The following RAB11FIP3 variants were observed in gnomAD, a reference collection of about 807,000 sequenced individuals.
RAB11FIP3 encodes the protein rab11 family-interacting protein 3.
RAB11FIP3 carries 17 observed loss-of-function variants against 77.8 expected under a neutral mutation model. The observed-to-expected ratio is 0.22, with a 90% CI of 0.15 to 0.33. The LOEUF (loss-of-function observed/expected upper bound fraction) is 0.33, where lower values mean the gene tolerates loss of function less well. Among genes scored for constraint, RAB11FIP3 ranks in the 10% least tolerant of loss-of-function variants. The pLI, the probability that RAB11FIP3 is intolerant of heterozygous loss-of-function variation, is 1.00. For missense variants in RAB11FIP3, 1,005 were observed against 1,011.2 expected, an observed-to-expected ratio of 0.99 and a Z score of 0.08; for synonymous variants, 437 against 448.2, an observed-to-expected ratio of 0.98 and a Z score of 0.31.
In RAB11FIP3 at chr16:461,633, G is replaced by C; in HGVS notation, c.808+136G>C. 1.6e-6 allele frequency: 1 copy of C among 641,582 alleles called. No individual in the cohort carries two copies. The highest frequency in any genetic ancestry group is 2.1e-5 in the South Asian group (1 of 48,372). 39.7% of individuals were successfully genotyped at this position (641,582 alleles called of 1,614,324 possible). On this transcript the variant is annotated intron_variant, in intron 2 of 13. Transcript: ENST00000262305. The surrounding 1 kb of genome is among the most constrained non-coding windows in gnomAD (Gnocchi z 4.5). The stretch of plus-strand genomic sequence containing the variant: ...CCTTGAAGCCCCCAACATACCCCAG[G>C]TTTCCAGGTGGTCTCTTTCCTTTCT...
intron 2 of RAB11FIP3, among the ~76,000 whole-genome samples, chr16:465,021 G>C (rs2055677813): frequency 6.6e-6 from 1 of 152,180 alleles, no homozygotes; most frequent in Non-Finnish European, 1.5e-5. Flanking sequence ...CATGTGATGG[G>C]TACGCCTGAG....
chr16:431,368 C>G (rs1275079781), intron 1 of RAB11FIP3, among the ~76,000 whole-genome samples: 1 of 151,492 alleles, frequency 6.6e-6, no homozygotes, highest in Non-Finnish European at 1.5e-5. Context: ...TATTTTACTA[C>G]ATTTCTTTTC....
At chr16:468,034 GGGAGGAGGTGCAGGGGCGTT>G (rs1399823890) in intron 2 of RAB11FIP3, among the ~76,000 whole-genome samples, 3 of 52,478 alleles carry the variant, frequency 5.7e-5, no homozygotes, top group African/African-American at 2.0e-4. Flanking sequence ...AGGGAAGTCA[GGGAGGAGGTGCAGGGGCGTT>G]GGAGGAGGTG....
At chr16:436,109 G>T (rs2055122454) in intron 1 of RAB11FIP3, among the ~76,000 whole-genome samples, 1 of 152,138 alleles carries the variant, frequency 6.6e-6, no homozygotes, top group Non-Finnish European at 1.5e-5. Flanking sequence ...AGGAGTTCGA[G>T]ACCAGCCTGG....
At chr16:488,609 C>G (rs559139497) in intron 4 of RAB11FIP3, among the ~76,000 whole-genome samples, 48 of 151,998 alleles carry the variant, frequency 3.2e-4, no homozygotes, top group Non-Finnish European at 4.4e-4. Context: ...AGGCCTCCCC[C>G]TGTTGCCCAG....
intron 1 of RAB11FIP3, among the ~76,000 whole-genome samples, chr16:433,028 C>CTTTTTTT (rs920883186): frequency 2.4e-5 from 1 of 40,886 alleles, no homozygotes; most frequent in African/African-American, 1.0e-4. Context: ...CCATATTTAT[C>CTTTTTTT]TTTTTTTTTT....
Position 519,842 on chromosome 16 carries a change from T to C in RAB11FIP3, c.1811T>C (p.Leu604Pro). Residue 604 changes from leucine (L) to proline (P), a missense_variant, in exon 11 of 14, where the codon CTG (leucine) becomes CCG (proline). Leu to Pro is a moderately conservative substitution (Grantham distance 98). Coordinates refer to ENST00000262305, the MANE Select transcript of RAB11FIP3 (RefSeq NM_014700.4). The stretch of plus-strand genomic sequence containing the variant: ...AACAAGAGGAGAATGGGGGACAGGC[T>C]GAGTCACGAGAGGCACCAGTTCCAG... Reference protein sequence around the residue: ...QENKRRMGDRLSHERHQFQRD... With the variant: ...QENKRRMGDRPSHERHQFQRD... The C allele has an allele frequency of 6.2e-7, 1 of 1,601,716 alleles. No homozygotes were observed. Among genetic ancestry groups the C allele is most frequent in the South Asian group, 1.1e-5 (1 of 89,078 alleles).
rs1248190231 is a variant in RAB11FIP3, at chr16:426,116, C to T, written c.110C>T (p.Ala37Val). ...GCGGCACAACTGGCTCCGGGCCCTG[C>T]GGAGCTACGCCTCGGAGCGCCCGTC... ...PGAAQLAPGPAELRLGAPVGG... is the reference protein window; with the variant it reads ...PGAAQLAPGPVELRLGAPVGG... The change falls in exon 1 of 14, where the codon GCG becomes GTG. Residue 37 changes from alanine to valine, a missense_variant. Ala to Val is a moderately conservative substitution (Grantham distance 64). Transcript: ENST00000262305. This position sits in a 1 kb window ranked among gnomAD's most constrained non-coding sequence, Gnocchi z 5.0. The T allele has an allele frequency of 3.0e-6, 3 of 1,007,926 alleles. No individual in the cohort carries two copies. The highest frequency in any genetic ancestry group is 2.0e-4 in the East Asian group (2 of 10,104). The allele number at this position is 1,007,926 out of a possible 1,614,324, so 62.4% of individuals were successfully genotyped here.
At chr16:435,450 T>C (rs1273945440) in intron 1 of RAB11FIP3, among the ~76,000 whole-genome samples, 1 of 152,200 alleles carries the variant, frequency 6.6e-6, no homozygotes, top group Non-Finnish European at 1.5e-5. Context: ...AAGTGGTAAT[T>C]ATAAAGGCTC....
chr16:492,252 C>T (rs1044555032), intron 5 of RAB11FIP3, among the ~76,000 whole-genome samples: 9 of 152,082 alleles, frequency 5.9e-5, no homozygotes, highest in East Asian at 1.9e-4. Context: ...CAGCCAGTGC[C>T]CATTCAGGTG....
chr16:473,917 G>A (rs955870946), intron 3 of RAB11FIP3, among the ~76,000 whole-genome samples: 2 of 152,122 alleles, frequency 1.3e-5, no homozygotes, highest in African/African-American at 4.8e-5. Context: ...GCCTCTTCCA[G>A]AACGCCACGG....
At chr16:500,672 T>A in intron 6 of RAB11FIP3, among the ~76,000 whole-genome samples, 1 of 105,292 alleles carries the variant, frequency 9.5e-6, no homozygotes, top group Admixed American at 1.6e-4. Context: ...CAGGTGACAG[T>A]GCAAGACTCT....
intron 3 of RAB11FIP3, among the ~76,000 whole-genome samples, chr16:481,336 C>T (rs1174172349): frequency 1.3e-5 from 2 of 151,834 alleles, no homozygotes; most frequent in African/African-American, 2.4e-5. Context: ...CATGGTGAAA[C>T]CCCGTCTCTA....
chr16:443,706 C>T (rs2055263551), intron 1 of RAB11FIP3, among the ~76,000 whole-genome samples: 1 of 152,168 alleles, frequency 6.6e-6, no homozygotes, highest in African/African-American at 2.4e-5. Context: ...GCTGGGACTA[C>T]AGGCGCCCGC....
intron 1 of RAB11FIP3, among the ~76,000 whole-genome samples, chr16:458,818 A>G (rs2055554111): frequency 6.6e-6 from 1 of 152,112 alleles, no homozygotes; most frequent in African/African-American, 2.4e-5. Context: ...TCCCTGGCCC[A>G]CACTTCTTTC....
At chr16:513,152 G>A (rs2032260789) in intron 9 of RAB11FIP3, among the ~76,000 whole-genome samples, 1 of 152,200 alleles carries the variant, frequency 6.6e-6, no homozygotes, top group Admixed American at 6.5e-5. Context: ...GAGGACTCTA[G>A]AGTTCTCTAT....
intron 3 of RAB11FIP3, chr16:474,858 G>A (rs767854310): frequency 4.1e-5 from 59 of 1,452,000 alleles, no homozygotes; most frequent in Admixed American, 7.2e-5. Context: ...TTATTAGAGC[G>A]TGTCTGGGAG....
chr16:458,500 C>T (rs1382462001), intron 1 of RAB11FIP3, among the ~76,000 whole-genome samples: 3 of 134,866 alleles, frequency 2.2e-5, no homozygotes, highest in African/African-American at 8.7e-5. Flanking sequence ...TTCACCGATG[C>T]CCACAGGGCC....
At chr16:435,457 G>C (rs569073861) in intron 1 of RAB11FIP3, among the ~76,000 whole-genome samples, 2 of 152,238 alleles carry the variant, frequency 1.3e-5, no homozygotes, top group African/African-American at 2.4e-5. Flanking sequence ...AATTATAAAG[G>C]CTCCAAATTT....
Sources: allele counts gnomAD v4.1 joint callset (sites outside exome capture counted in the v4.1 genomes callset), GRCh38; gene constraint gnomAD v4.1.1; non-coding constraint Gnocchi (gnomAD v3.1); transcripts MANE v1.5; gene names NCBI Gene and HGNC (gene_info 2026-07-23, HGNC 2026-07-21).